ZNF618: variants seen among roughly 807,000 people sequenced by gnomAD.
ZNF618 encodes neural precursor cell expressed, developmentally down-regulated 10.
In ZNF618, 34 loss-of-function variants were observed where a neutral mutation model predicts 103.0. The ratio of observed to expected loss-of-function variants is 0.33; its 90% CI spans 0.25 to 0.44. The LOEUF (loss-of-function observed/expected upper bound fraction) is 0.44, where lower values mean the gene tolerates loss of function less well. ZNF618 is among the 20% of genes least tolerant of loss of function. ZNF618 has a pLI of 1.00. For synonymous variants in ZNF618, 551 were observed against 542.2 expected (o/e 1.02, Z -0.23); for missense variants, 1,059 against 1,295.4 (o/e 0.82, Z 2.80).
chr9:114,029,662 C>A (rs1480739667), intron 11 of ZNF618, among the ~76,000 whole-genome samples: 3 of 152,182 alleles, frequency 2.0e-5, no homozygotes, highest in African/African-American at 7.2e-5. Context: ...CAACAAGGAT[C>A]TGCTCTGAAC....
In ZNF618 at chr9:114,051,768, C is replaced by G. The variant is rs1364783980; in HGVS notation, c.*1601C>G. On this transcript the variant is annotated 3_prime_UTR_variant, in exon 15 of 15. Transcript: ENST00000374126. ...TGTCTTCAGGCTTTTCTCTCCTGTT[C>G]CCCCAGCTGTGAGCAAATTAGGTTC... 1 of 152,340 alleles carries G rather than the reference C, an allele frequency of 6.6e-6. No homozygotes were observed. The highest frequency in any genetic ancestry group is 2.1e-4 in the South Asian group (1 of 4,834). The allele number at this position is 152,340 out of a possible 1,614,324, so 9.4% of individuals were successfully genotyped here.
chr9:113,922,944 C>A (rs1832778586), intron 1 of ZNF618, among the ~76,000 whole-genome samples: 1 of 152,136 alleles, frequency 6.6e-6, no homozygotes, highest in Non-Finnish European at 1.5e-5. Context: ...CATGGAATAT[C>A]TCTTTATTTA....
At chr9:114,017,783 G>A (rs1376654372) in intron 10 of ZNF618, among the ~76,000 whole-genome samples, 1 of 152,180 alleles carries the variant, frequency 6.6e-6, no homozygotes, top group Non-Finnish European at 1.5e-5. Context: ...GTCTGGGAAG[G>A]CCCAGGTCCC....
At chr9:113,985,072 A>T (rs1839338831) in intron 2 of ZNF618, among the ~76,000 whole-genome samples, 1 of 152,262 alleles carries the variant, frequency 6.6e-6, no homozygotes, top group African/African-American at 2.4e-5. Context: ...AAACATCTCC[A>T]CTGGGAGCTT....
intron 1 of ZNF618, among the ~76,000 whole-genome samples, chr9:113,904,251 C>A (rs1455794935): frequency 6.7e-6 from 1 of 148,338 alleles, no homozygotes. Flanking sequence ...TTGTATTTTT[C>A]ATCTCTAGAA....
intron 1 of ZNF618, among the ~76,000 whole-genome samples, chr9:113,894,259 A>G (rs895112093): frequency 6.6e-6 from 1 of 152,056 alleles, no homozygotes. Flanking sequence ...ATGATTCTTC[A>G]TCTTTCAAAA....
intron 1 of ZNF618, among the ~76,000 whole-genome samples, chr9:113,920,606 T>C (rs916680725): frequency 6.6e-6 from 1 of 152,154 alleles, no homozygotes; most frequent in Non-Finnish European, 1.5e-5. Context: ...TTCACCATGT[T>C]GGCCAGATTG....
At chr9:114,033,389 AAG>A (rs10624141) in intron 12 of ZNF618, among the ~76,000 whole-genome samples, 14,126 of 146,836 alleles carry the variant, frequency 0.096, 784 homozygotes, top group African/African-American at 0.16. Flanking sequence ...CTGTCTCAAA[AAG>A]AGAGAGAGAG....
chr9:114,010,608 G>A (rs1263809612), intron 9 of ZNF618, among the ~76,000 whole-genome samples: 5 of 152,136 alleles, frequency 3.3e-5, no homozygotes, highest in Non-Finnish European at 7.4e-5. Flanking sequence ...GGAGGCTGAG[G>A]CAGGAGAATC....
rs76144396 is a variant in ZNF618 at position 113,957,167 on chromosome 9, G to A, written c.34-11950G>A. On this transcript the variant is annotated intron_variant, in intron 1 of 14. Transcript: ENST00000374126. ...CAGAATGTGTTTGGCTTTTTAAAAAGTATATTAATTTTACTTACCACCATC... is the reference window on the plus strand; with the variant it reads ...CAGAATGTGTTTGGCTTTTTAAAAAATATATTAATTTTACTTACCACCATC... Among the ~76,000 whole-genome samples, 1,076 of 152,286 alleles carry A rather than the reference G, an allele frequency of 7.1e-3. 15 individuals carry two copies. Among genetic ancestry groups the A allele is most frequent in the African/African-American group, 0.024 (1,008 of 41,574 alleles).
At position 114,028,988 on chromosome 9, in the gene ZNF618, G is replaced by A. The variant is rs1208877108; in HGVS notation, c.1084+16G>A. 4 of 1,546,296 alleles carry A rather than the reference G, an allele frequency of 2.6e-6. No homozygotes were observed. The highest frequency in any genetic ancestry group is 1.7e-4 in the Middle Eastern group (1 of 5,974). The stretch of plus-strand genomic sequence containing the variant: ...GCAACCGCAGGTACCAATGGCCTAT[G>A]TGACCCCCACACTTTCTCCCCCACT... On this transcript the variant is annotated intron_variant, in intron 11 of 14. Coordinates refer to ENST00000374126, the MANE Select transcript of ZNF618 (RefSeq NM_001318042.2).
At chr9:113,950,393 G>A (rs117389978) in intron 1 of ZNF618, among the ~76,000 whole-genome samples, 3,036 of 152,264 alleles carry the variant, frequency 0.02, 44 homozygotes, top group Non-Finnish European at 0.028. Context: ...TCAGCTTGCC[G>A]GTGTTGGAAG....
At chr9:113,906,455 A>G (rs1407233629) in intron 1 of ZNF618, among the ~76,000 whole-genome samples, 5 of 152,142 alleles carry the variant, frequency 3.3e-5, no homozygotes, top group Admixed American at 6.5e-5. Flanking sequence ...GCCATCATGT[A>G]GGACTGTTAT....
At chr9:113,926,538 TTG>T (rs1253308457) in intron 1 of ZNF618, among the ~76,000 whole-genome samples, 1 of 152,190 alleles carries the variant, frequency 6.6e-6, no homozygotes, top group African/African-American at 2.4e-5. Flanking sequence ...CTCACAGTTT[TTG>T]GATATTTGGC....
rs376778391 is a variant in ZNF618, at chr9:114,049,570, C to T, written c.2268C>T (p.Thr756=). 16 of 1,613,726 alleles carry T rather than the reference C, an allele frequency of 9.9e-6. No individual in the cohort carries two copies. The highest frequency in any genetic ancestry group is 1.4e-5 in the Non-Finnish European group (16 of 1,179,910). The part of the protein sequence containing the change: ...VIELSNESQP[T]LQLVLPTYVR... Reference sequence around the variant, plus strand: ...AGCTGAGCAACGAGAGCCAGCCCACCCTGCAGCTGGTGCTGCCCACCTACG... The same window carrying T: ...AGCTGAGCAACGAGAGCCAGCCCACTCTGCAGCTGGTGCTGCCCACCTACG... Residue 756 remains threonine, a synonymous_variant, in exon 15 of 15, where the codon ACC becomes ACT. Coordinates refer to ENST00000374126, the MANE Select transcript of ZNF618 (RefSeq NM_001318042.2).
intron 1 of ZNF618, among the ~76,000 whole-genome samples, chr9:113,915,964 T>C (rs1832032927): frequency 6.6e-6 from 1 of 152,200 alleles, no homozygotes; most frequent in South Asian, 2.1e-4. Flanking sequence ...TGAATAATGA[T>C]AATTATAGTA....
intron 1 of ZNF618, among the ~76,000 whole-genome samples, chr9:113,965,025 GA>G (rs1355115532): frequency 7.5e-6 from 1 of 133,130 alleles, no homozygotes; most frequent in Non-Finnish European, 1.5e-5. Flanking sequence ...AATCATATAA[GA>G]CAGCTTAGCT....
At chr9:113,963,794 G>A (rs556481169) in intron 1 of ZNF618, among the ~76,000 whole-genome samples, 42 of 152,316 alleles carry the variant, frequency 2.8e-4, no homozygotes, top group African/African-American at 9.6e-4. Context: ...CCTGTGCCAG[G>A]CCCTGAGCTG....
chr9:113,962,031 A>C (rs1410025406), intron 1 of ZNF618, among the ~76,000 whole-genome samples: 2 of 152,212 alleles, frequency 1.3e-5, no homozygotes, highest in African/African-American at 4.8e-5. Flanking sequence ...TAAGTCACTT[A>C]GCCCCTCCAC....
Sources: gnomAD v4.1 joint callset for allele counts (sites outside exome capture counted in the v4.1 genomes callset) on GRCh38, gnomAD v4.1.1 for gene constraint, MANE v1.5 for transcripts, NCBI Gene and HGNC (gene_info 2026-07-23, HGNC 2026-07-21) for gene names.